Variants in PDK3 observed in about 807,000 individuals in gnomAD.
PDK3 encodes the protein pyruvate dehydrogenase kinase, isozyme 3.
In PDK3, 12 loss-of-function variants were observed where a neutral mutation model predicts 32.0. That is an observed-to-expected ratio of 0.37 (90% confidence interval 0.24 to 0.61). PDK3 has a LOEUF of 0.61. Ranked by LOEUF, PDK3 falls within the 20% of genes least tolerant of loss-of-function variation. The pLI is 0.65. For missense variants in PDK3, 188 were observed against 316.9 expected, an observed-to-expected ratio of 0.59 and a Z score of 3.09; for synonymous variants, 122 against 116.3, an observed-to-expected ratio of 1.05 and a Z score of -0.31.
chrX:24,474,299 T>C (rs1258437437), intron 1 of PDK3, among the ~76,000 whole-genome samples: 1 of 111,960 alleles, frequency 8.9e-6, no homozygotes, highest in Admixed American at 9.5e-5. Context: ...GCTCCATAAA[T>C]GGCAATTACT....
intron 5 of PDK3, among the ~76,000 whole-genome samples, chrX:24,506,146 C>T (rs1215710443): frequency 8.9e-6 from 1 of 111,885 alleles, no homozygotes; most frequent in Non-Finnish European, 1.9e-5. Context: ...TTCCTAAACC[C>T]AGGGAGGAGG....
At chrX:24,529,174 G>C (rs971333625) in intron 9 of PDK3, among the ~76,000 whole-genome samples, 1 of 111,499 alleles carries the variant, frequency 9.0e-6, no homozygotes, top group African/African-American at 3.3e-5. Flanking sequence ...AGGAAAAAAG[G>C]CACCACAAAC....
At chrX:24,475,622 G>A (rs1026048413) in intron 1 of PDK3, among the ~76,000 whole-genome samples, 1 of 110,094 alleles carries the variant, frequency 9.1e-6, no homozygotes, top group African/African-American at 3.3e-5. Context: ...TCGCGTCACT[G>A]CACTCCAGCC....
chrX:24,505,260 G>A lies in PDK3; in HGVS notation c.557G>A (p.Ser186Asn). Residue 186 changes from serine (S) to asparagine (N), a missense_variant, in exon 5 of 11, where the codon AGT becomes AAT. Physicochemically the swap from Ser to Asn is conservative, Grantham distance 46 (BLOSUM62 1). Transcript: ENST00000379162. Reference protein sequence around the residue: ...TNPVHPKHIGSIDPTCNVADV... With the variant: ...TNPVHPKHIGNIDPTCNVADV... The stretch of plus-strand genomic sequence containing the variant: ...CCTGTTCATCCTAAACACATAGGAA[G>A]TATCGATCCCACCTGTAACGTGGCG... The A allele has an allele frequency of 1.7e-6, 2 of 1,206,498 alleles. No individual in the cohort carries two copies. The highest frequency in any genetic ancestry group is 2.2e-6 in the Non-Finnish European group (2 of 891,282).
intron 1 of PDK3, among the ~76,000 whole-genome samples, chrX:24,484,384 A>G (rs1385542655): frequency 1.8e-5 from 2 of 112,639 alleles, no homozygotes; most frequent in Non-Finnish European, 3.7e-5. Context: ...AGGAATCATG[A>G]TACAGGACAT....
chrX:24,478,336 T>C (rs1921164547), intron 1 of PDK3, among the ~76,000 whole-genome samples: 1 of 111,222 alleles, frequency 9.0e-6, no homozygotes, highest in East Asian at 2.8e-4. Context: ...GGCTCATATC[T>C]GTAGTCCCAG....
intron 1 of PDK3, among the ~76,000 whole-genome samples, chrX:24,471,193 T>TA (rs1920988253): frequency 8.9e-6 from 1 of 111,892 alleles, no homozygotes; most frequent in Non-Finnish European, 1.9e-5. Context: ...CCCCAGAACT[T>TA]AAAGTATAAT....
chrX:24,511,642 G>A (rs1484862864), intron 5 of PDK3, among the ~76,000 whole-genome samples: 1 of 111,492 alleles, frequency 9.0e-6, no homozygotes, highest in Non-Finnish European at 1.9e-5. Flanking sequence ...GAGGTCAGGA[G>A]TTCGAGACCA....
intron 1 of PDK3, among the ~76,000 whole-genome samples, chrX:24,472,675 C>CTTTTTTTT (rs761538432): frequency 0.014 from 708 of 49,668 alleles, 11 homozygotes; most frequent in Non-Finnish European, 0.019. Context: ...TTCTTTCTTT[C>CTTTTTTTT]TTTTTTTTTT....
At chrX:24,511,220 C>T (rs1378423275) in intron 5 of PDK3, among the ~76,000 whole-genome samples, 5 of 112,555 alleles carry the variant, frequency 4.4e-5, no homozygotes, top group Non-Finnish European at 9.4e-5. Flanking sequence ...CCTCTTTTGA[C>T]TCTTAGTGAA....
chrX:24,535,664 A>G (rs1008793520), downstream of PDK3, among the ~76,000 whole-genome samples: 1 of 110,006 alleles, frequency 9.1e-6, no homozygotes, highest in Non-Finnish European at 1.9e-5. Context: ...GTATATATGT[A>G]TTTTTTTTGC....
intron 5 of PDK3, 72 bp from the exon 6 acceptor site, chrX:24,518,837 GCACACACACACACACACACACACA>G: frequency 2.6e-6 from 1 of 380,536 alleles, no homozygotes. Context: ...ATGCACATGT[GCACACACACACACACACACACACA>G]CACACACACA....
chrX:24,493,677 C>T (rs1407711029), intron 1 of PDK3, among the ~76,000 whole-genome samples: 1 of 111,839 alleles, frequency 8.9e-6, no homozygotes, highest in South Asian at 3.8e-4. Context: ...ACACTTGCTC[C>T]GTGTCAGCCT....
intron 6 of PDK3, among the ~76,000 whole-genome samples, chrX:24,524,168 T>A (rs761480056): frequency 1.1e-3 from 122 of 112,564 alleles, no homozygotes; most frequent in African/African-American, 3.6e-3. Flanking sequence ...ACTGCCTTGA[T>A]GTTATGTATA....
intron 1 of PDK3, among the ~76,000 whole-genome samples, chrX:24,494,225 G>T (rs1367895496): frequency 8.9e-6 from 1 of 112,146 alleles, no homozygotes; most frequent in African/African-American, 3.2e-5. Context: ...GGAAGCACAG[G>T]GTCTCTGGGG....
At chrX:24,474,649 G>T (rs1312583317) in intron 1 of PDK3, among the ~76,000 whole-genome samples, 1 of 110,124 alleles carries the variant, frequency 9.1e-6, no homozygotes, top group Non-Finnish European at 1.9e-5. Flanking sequence ...CCTGACTTCA[G>T]GTGATCCACC....
chrX:24,491,682 C>T (rs891623249), intron 1 of PDK3, among the ~76,000 whole-genome samples: 1 of 111,136 alleles, frequency 9.0e-6, no homozygotes, highest in African/African-American at 3.3e-5. Context: ...GAGCCGGGCA[C>T]GGTGGCTCAT....
chrX:24,515,380 G>GT (rs779046920), intron 5 of PDK3, among the ~76,000 whole-genome samples: 2 of 112,305 alleles, frequency 1.8e-5, no homozygotes, highest in Non-Finnish European at 3.8e-5. Context: ...TGTTAAATTT[G>GT]TGTAGCACAT....
downstream of PDK3, among the ~76,000 whole-genome samples, chrX:24,536,344 T>A (rs1254190188): frequency 8.9e-6 from 1 of 111,999 alleles, no homozygotes; most frequent in African/African-American, 3.2e-5. Context: ...AACACAGTAA[T>A]TTTATTTGGG....
Sources: gnomAD v4.1 joint callset for allele counts (sites outside exome capture counted in the v4.1 genomes callset) on GRCh38, gnomAD v4.1.1 for gene constraint, MANE v1.5 for transcripts, NCBI Gene and HGNC (gene_info 2026-07-23, HGNC 2026-07-21) for gene names.